The following SGCG variants were observed in gnomAD, a reference collection of about 807,000 sequenced individuals.
The protein encoded by SGCG is sarcoglycan gamma.
Under a neutral mutation model 29.3 loss-of-function variants are expected in SGCG, and 26 were observed. That is an observed-to-expected ratio of 0.89 (90% confidence interval 0.65 to 1.23). SGCG has a LOEUF of 1.23. Ranked by LOEUF, SGCG falls within the 50% of genes most tolerant of loss-of-function variation. The pLI is 0.00. For synonymous variants in SGCG, 145 were observed against 129.7 expected (o/e 1.12, Z -0.80); for missense variants, 353 against 356.0 (o/e 0.99, Z 0.07).
At chr13:23,319,607 T>G (rs1389423725) in intron 6 of SGCG, among the ~76,000 whole-genome samples, 1 of 152,200 alleles carries the variant, frequency 6.6e-6, no homozygotes, top group Non-Finnish European at 1.5e-5. Flanking sequence ...GCAGATTCAT[T>G]ATCAGGGTAC....
At chr13:23,264,360 A>G (rs1429529565) in intron 4 of SGCG, among the ~76,000 whole-genome samples, 5 of 152,128 alleles carry the variant, frequency 3.3e-5, no homozygotes, top group African/African-American at 1.2e-4. Context: ...ACCGAGAAAT[A>G]TACTTAACCA....
At chr13:23,285,546 C>G (rs1010617300) in intron 5 of SGCG, among the ~76,000 whole-genome samples, 1 of 152,194 alleles carries the variant, frequency 6.6e-6, no homozygotes, top group Non-Finnish European at 1.5e-5. Flanking sequence ...TTACTAGGCT[C>G]CATGGGGATG....
rs77489747 is a variant in SGCG at position 23,199,319 on chromosome 13, G to A, written c.1-4376G>A. On this transcript the variant is annotated intron_variant, in intron 1 of 7. Transcript: ENST00000218867. ...ATTTCACTAATTATGTTTTGTAAAGGGTTTATAAGAAGACCACAAAGTGCT... is the reference window on the plus strand; with the variant it reads ...ATTTCACTAATTATGTTTTGTAAAGAGTTTATAAGAAGACCACAAAGTGCT... Among the ~76,000 whole-genome samples the A allele has an allele frequency of 7.0e-3, 1,065 of 152,152 alleles. 5 individuals carry two copies. Among genetic ancestry groups the A allele is most frequent in the Non-Finnish European group, 0.012 (807 of 68,006 alleles).
chr13:23,209,920 C>T (rs1274043872), intron 2 of SGCG, among the ~76,000 whole-genome samples: 1 of 152,182 alleles, frequency 6.6e-6, no homozygotes, highest in Non-Finnish European at 1.5e-5. Flanking sequence ...TACAATGTTA[C>T]TACACTATGT....
chr13:23,241,393 C>T (rs922027648), intron 3 of SGCG, among the ~76,000 whole-genome samples: 4 of 152,030 alleles, frequency 2.6e-5, no homozygotes, highest in South Asian at 2.1e-4. Context: ...TATTTGGATA[C>T]ATACAACCTT....
chr13:23,297,074 G>C (rs1881933721), intron 6 of SGCG, among the ~76,000 whole-genome samples: 1 of 152,050 alleles, frequency 6.6e-6, no homozygotes, highest in African/African-American at 2.4e-5. Flanking sequence ...AGACAAGCCG[G>C]CTGACCATGG....
At chr13:23,253,613 A>G (rs907185390) in intron 4 of SGCG, among the ~76,000 whole-genome samples, 4 of 152,240 alleles carry the variant, frequency 2.6e-5, no homozygotes, top group African/African-American at 7.2e-5. Flanking sequence ...ACTGAAAACA[A>G]TTTGCATTCA....
the SGCG span, among the ~76,000 whole-genome samples, chr13:23,166,123 T>C: frequency 1.3e-5 from 2 of 152,280 alleles, no homozygotes; most frequent in Non-Finnish European, 2.9e-5. Flanking sequence ...TCCCTGGTCT[T>C]GGTGTAAAAG....
chr13:23,180,423 CTTTG>C (rs2137462959), upstream of SGCG, among the ~76,000 whole-genome samples: 1 of 152,226 alleles, frequency 6.6e-6, no homozygotes, highest in South Asian at 2.1e-4. Flanking sequence ...TTATGGTGAT[CTTTG>C]TTTAAGATTT....
chr13:23,165,518 G>C, the SGCG span, among the ~76,000 whole-genome samples: 1 of 143,706 alleles, frequency 7.0e-6, no homozygotes, highest in African/African-American at 2.8e-5. Flanking sequence ...CATTTCAGTA[G>C]GAGGCAAACT....
rs898725365 is a variant in SGCG, at chr13:23,270,304, C to T, written c.386-9055C>T. 3.3e-5 allele frequency among the ~76,000 whole-genome samples: 5 copies of T among 152,286 alleles called. No homozygotes were observed. In the East Asian group the frequency reaches 5.8e-4, roughly 18 times the overall value. ...AGATGGTAACAATTTAGATTCCCAG[C>T]GGCGGTGTAGGAGAGTATATTTTCT... On this transcript the variant is annotated intron_variant, in intron 4 of 7. Transcript: ENST00000218867.
rs554587798 is a variant in SGCG at position 23,324,851 on chromosome 13, A to C, written c.*310A>C. 2.6e-6 allele frequency: 1 copy of C among 391,228 alleles called. No individual in the cohort carries two copies. The highest frequency in any genetic ancestry group is 2.1e-5 in the African/African-American group (1 of 48,194). The allele number at this position is 391,228 out of a possible 1,614,324, so 24.2% of individuals were successfully genotyped here. A position where few individuals can be genotyped will look rare whatever the true frequency, so the allele number is the denominator to read the frequency against. ...CCCCCTATCTTGTCCGTGTGGGCAC[A>C]CACTGAGTGTTGAGTTGCCGTGTGG... On this transcript the variant is annotated 3_prime_UTR_variant, in exon 8 of 8. Transcript: ENST00000218867.
intron 1 of SGCG, among the ~76,000 whole-genome samples, chr13:23,186,404 A>G (rs778739246): frequency 1.9e-3 from 293 of 152,302 alleles, no homozygotes; most frequent in Middle Eastern, 6.8e-3. Context: ...AAGCGATTGC[A>G]GCAGCTTGAA....
intron 6 of SGCG, 56 bp from the exon 7 acceptor site, chr13:23,320,581 G>A: frequency 6.9e-7 from 1 of 1,443,208 alleles, no homozygotes; most frequent in Non-Finnish European, 9.5e-7. Context: ...GATTGCTGGA[G>A]TGGCTATTTT....
intron 1 of SGCG, among the ~76,000 whole-genome samples, chr13:23,188,114 C>T (rs1877066858): frequency 6.6e-6 from 1 of 152,120 alleles, no homozygotes. Context: ...TTTCCAAGGC[C>T]AGAACCTGAA....
At chr13:23,174,563 A>ATTC in the SGCG span, among the ~76,000 whole-genome samples, 1 of 152,178 alleles carries the variant, frequency 6.6e-6, no homozygotes, top group South Asian at 2.1e-4. Context: ...CTAAGATAGA[A>ATTC]TGTCAGAGAC....
At chr13:23,293,835 AAAAAAAAAAAAAATTAGTAAGGGCT>A (rs1396517674) in intron 5 of SGCG, among the ~76,000 whole-genome samples, 2 of 125,772 alleles carry the variant, frequency 1.6e-5, no homozygotes, top group Admixed American at 7.8e-5. Flanking sequence ...CGTCTTAAAA[AAAAAAAAAAAAAATTAGTAAGGGCT>A]GCTCAAAAGA....
chr13:23,196,905 A>T lies in SGCG; in HGVS notation c.1-6790A>T, dbSNP rs192402075. ...GAAGTTTAAAGGAAAATAGAAGTAA[A>T]ACCCATGCAGTCATTCCCAATACTA... On this transcript the variant is annotated intron_variant, in intron 1 of 7. Transcript: ENST00000218867. 9.5e-3 allele frequency among the ~76,000 whole-genome samples: 1,454 copies of T among 152,278 alleles called. 20 individuals carry two copies. The highest frequency in any genetic ancestry group is 0.013 in the Non-Finnish European group (860 of 68,020).
intron 2 of SGCG, among the ~76,000 whole-genome samples, chr13:23,220,059 T>C (rs1402383751): frequency 6.6e-6 from 1 of 151,888 alleles, no homozygotes; most frequent in Non-Finnish European, 1.5e-5. Context: ...GCCAGGATGG[T>C]CCGGATCTCC....
Sources: gnomAD v4.1 joint callset for allele counts (sites outside exome capture counted in the v4.1 genomes callset) on GRCh38, gnomAD v4.1.1 for gene constraint, MANE v1.5 for transcripts, NCBI Gene and HGNC (gene_info 2026-07-23, HGNC 2026-07-21) for gene names.